Variants in DNAJC27 observed in about 807,000 individuals in gnomAD.
The protein encoded by DNAJC27 is dnaJ homolog subfamily C member 27.
Under a neutral mutation model 31.4 loss-of-function variants are expected in DNAJC27, and 25 were observed. The observed-to-expected ratio is 0.80, with a 90% CI of 0.58 to 1.11. DNAJC27 has a LOEUF of 1.11. Among genes scored for constraint, DNAJC27 ranks in the 50% most tolerant of loss-of-function variants. The pLI is 0.00. For missense variants in DNAJC27, 356 were observed against 347.3 expected, an observed-to-expected ratio of 1.02 and a Z score of -0.20; for synonymous variants, 106 against 112.7, an observed-to-expected ratio of 0.94 and a Z score of 0.37.
intron 3 of DNAJC27, chr2:24,963,153 C>T (rs1272121004): frequency 5.0e-6 from 2 of 399,908 alleles, no homozygotes; most frequent in Admixed American, 4.1e-5. Context: ...AAGCAAAAGT[C>T]CTCTGAAAGT....
At chr2:24,971,636 A>C in intron 1 of DNAJC27, 182 bp downstream of exon 1, 1 of 508,676 alleles carries the variant, frequency 2.0e-6, no homozygotes, top group Non-Finnish European at 3.5e-6. Context: ...CGAGGGGGCA[A>C]CGGAAAGGTC....
chr2:24,949,100 G>C (rs553668595), intron 6 of DNAJC27, among the ~76,000 whole-genome samples: 22 of 152,258 alleles, frequency 1.4e-4, no homozygotes, highest in East Asian at 1.4e-3. Context: ...GAGGGGTCCT[G>C]AATTTTCTTG....
At chr2:24,953,952 C>T (rs1665843258) in intron 5 of DNAJC27, among the ~76,000 whole-genome samples, 1 of 152,164 alleles carries the variant, frequency 6.6e-6, no homozygotes, top group African/African-American at 2.4e-5. Flanking sequence ...TGGCAGTGGA[C>T]AACAGCAAGT....
At chr2:24,953,407 T>G (rs1665829919) in intron 5 of DNAJC27, 1 of 153,646 alleles carries the variant, frequency 6.5e-6, no homozygotes, top group South Asian at 2.1e-4. Context: ...TAGTCTGTCT[T>G]AATATTGCTC....
In DNAJC27 at chr2:24,947,851, T is replaced by C. The variant is rs1272882796; in HGVS notation, c.690-103A>G. On this transcript the variant is annotated intron_variant, in intron 6 of 6. Transcript: ENST00000264711. Reference sequence around the variant, plus strand: ...AGTATCTCTTACAGTGAACATATCCTAAATTATTACCCTTTCTCAAAGGCA... The same window carrying C: ...AGTATCTCTTACAGTGAACATATCCCAAATTATTACCCTTTCTCAAAGGCA... The C allele has an allele frequency of 2.3e-6, 3 of 1,304,864 alleles. No individual in the cohort carries two copies. In the East Asian group the frequency reaches 7.1e-5, roughly 31 times the overall value. The allele number at this position is 1,304,864 out of a possible 1,614,324, so 80.8% of individuals were successfully genotyped here. A position where few individuals can be genotyped will look rare whatever the true frequency, so the allele number is the denominator to read the frequency against.
At chr2:24,961,549 G>C (rs760972773) in intron 3 of DNAJC27, among the ~76,000 whole-genome samples, 1 of 151,728 alleles carries the variant, frequency 6.6e-6, no homozygotes, top group African/African-American at 2.4e-5. Flanking sequence ...GAAAGCATTC[G>C]CCATTCTAGA....
intron 1 of DNAJC27, among the ~76,000 whole-genome samples, chr2:24,968,551 T>C: frequency 6.6e-6 from 1 of 151,936 alleles, no homozygotes; most frequent in Non-Finnish European, 1.5e-5. Context: ...TTCACCATGT[T>C]GGCCAGGATG....
Position 24,947,690 on chromosome 2 carries a change from C to G in DNAJC27, c.748G>C (p.Val250Leu). 1 of 1,613,862 alleles carries G rather than the reference C, an allele frequency of 6.2e-7. No homozygotes were observed. The highest frequency in any genetic ancestry group is 8.5e-7 in the Non-Finnish European group (1 of 1,179,736). ...AAGGCATCTTCACTGCCAGGTGCTA[C>G]ACATTTGTCAGGGTGAAGAAGCACA... is the stretch of plus-strand genomic sequence containing the variant. ...LAVLLHPDKC[V>L]APGSEDAFKA... The change falls in exon 7 of 7, where the codon GTA becomes CTA. Residue 250 changes from valine to leucine, a missense_variant. Coordinates refer to ENST00000264711, the MANE Select transcript of DNAJC27 (RefSeq NM_016544.3).
Position 24,947,646 on chromosome 2 carries a change from A to G in DNAJC27, c.792T>C (p.Ala264=). Residue 264 remains alanine, a synonymous_variant, in exon 7 of 7, where the codon GCT becomes GCC. Coordinates refer to ENST00000264711, the MANE Select transcript of DNAJC27 (RefSeq NM_016544.3). The part of the protein sequence containing the change: ...SEDAFKAVVN[A]RTALLKNIK ...TGATGTTTTTCAGGAGGGCTGTCCG[A>G]GCATTCACAACTGCTTTGAAGGCAT... The G allele has an allele frequency of 6.2e-7, 1 of 1,609,282 alleles. No homozygotes were observed. The highest frequency in any genetic ancestry group is 8.5e-7 in the Non-Finnish European group (1 of 1,176,252).
At chr2:24,947,793 A>G in intron 6 of DNAJC27, 45 bp from the exon 7 acceptor site, 1 of 1,585,324 alleles carries the variant, frequency 6.3e-7, no homozygotes, top group Non-Finnish European at 8.6e-7. Flanking sequence ...GAGTCAGCCC[A>G]ACCCACTGCA....
chr2:24,958,090 T>A lies in DNAJC27; in HGVS notation c.241-116A>T, dbSNP rs925696215. The A allele has an allele frequency of 1.2e-5, 11 of 941,628 alleles. No homozygotes were observed. The African/African-American group carries it at 1.7e-4, about 14-fold the overall frequency. 58.3% of individuals were successfully genotyped at this position (941,628 alleles called of 1,614,324 possible). ...TTTGTGTATTCTTAGTGTTTGCTAT[T>A]GTATCTGTTTCTACTGGTCATTAGA... On this transcript the variant is annotated intron_variant, in intron 3 of 6. Transcript: ENST00000264711.
chr2:24,962,347 G>A (rs1276048460), intron 3 of DNAJC27, among the ~76,000 whole-genome samples: 1 of 151,732 alleles, frequency 6.6e-6, no homozygotes, highest in Non-Finnish European at 1.5e-5. Flanking sequence ...TGCAACCTCC[G>A]CCTGTTCAAG....
chr2:24,971,511 G>A (rs552167124), intron 1 of DNAJC27: 4 of 232,398 alleles, frequency 1.7e-5, no homozygotes, highest in South Asian at 2.8e-4. Context: ...ACGCGGGCAA[G>A]GTATCTAGGC....
At chr2:24,962,154 G>C (rs1666056323) in intron 3 of DNAJC27, among the ~76,000 whole-genome samples, 1 of 151,688 alleles carries the variant, frequency 6.6e-6, no homozygotes, top group Non-Finnish European at 1.5e-5. Context: ...CTAGAAATCA[G>C]TAACAGAAGG....
chr2:24,947,583 T>C lies in DNAJC27; in HGVS notation c.*33A>G. ...ACCTCTAGGGAAAGTCTGTTTGCAT[T>C]TGAGTCCCACATGTGGCTTTTTTCT... On this transcript the variant is annotated 3_prime_UTR_variant, in exon 7 of 7. Transcript: ENST00000264711. The C allele has an allele frequency of 6.4e-7, 1 of 1,567,560 alleles. No homozygotes were observed. Among genetic ancestry groups the C allele is most frequent in the African/African-American group, 1.4e-5 (1 of 74,018 alleles).
chr2:24,960,853 G>A (rs189153274), intron 3 of DNAJC27, among the ~76,000 whole-genome samples: 29 of 152,338 alleles, frequency 1.9e-4, no homozygotes, highest in African/African-American at 6.3e-4. Context: ...AGCCATCTTC[G>A]TAACATAAAA....
intron 3 of DNAJC27, among the ~76,000 whole-genome samples, chr2:24,961,774 TA>T (rs1265647680): frequency 6.6e-6 from 1 of 152,078 alleles, no homozygotes; most frequent in Non-Finnish European, 1.5e-5. Flanking sequence ...CGATAAAAAA[TA>T]AATAAGGAGT....
Position 24,947,645 on chromosome 2 carries a change from G to A in DNAJC27, c.793C>T (p.Arg265Trp), listed in dbSNP as rs768496017. The change falls in exon 7 of 7, where the codon CGG becomes TGG. Residue 265 changes from arginine to tryptophan, a missense_variant. By Grantham distance (101) the Arg-to-Trp change is moderately radical (BLOSUM62 -3). Coordinates refer to ENST00000264711, the MANE Select transcript of DNAJC27 (RefSeq NM_016544.3). ...EDAFKAVVNARTALLKNIK is the reference protein window; with the variant it reads ...EDAFKAVVNAWTALLKNIK The stretch of plus-strand genomic sequence containing the variant: ...TTGATGTTTTTCAGGAGGGCTGTCC[G>A]AGCATTCACAACTGCTTTGAAGGCA... 5.6e-6 allele frequency: 9 copies of A among 1,608,566 alleles called. No homozygotes were observed. Among genetic ancestry groups the A allele is most frequent in the Non-Finnish European group, 7.7e-6 (9 of 1,175,794 alleles).
At chr2:24,963,144 A>T (rs911508552) in intron 3 of DNAJC27, 4 of 392,866 alleles carry the variant, frequency 1.0e-5, no homozygotes, top group Non-Finnish European at 1.8e-5. Flanking sequence ...TGAGGTAAAA[A>T]GCAAAAGTCC....
Sources: allele counts gnomAD v4.1 joint callset (sites outside exome capture counted in the v4.1 genomes callset), GRCh38; gene constraint gnomAD v4.1.1; transcripts MANE v1.5; gene names NCBI Gene and HGNC (gene_info 2026-07-23, HGNC 2026-07-21).